The following TBC1D5 variants were observed in gnomAD, a reference collection of about 807,000 sequenced individuals.
TBC1D5 encodes the protein TBC1 domain family member 5.
In TBC1D5, 75 loss-of-function variants were observed where a neutral mutation model predicts 100.3. The observed-to-expected ratio is 0.75, with a 90% CI of 0.62 to 0.91. TBC1D5 has a LOEUF of 0.91. TBC1D5 is among the 40% of genes least tolerant of loss of function. The pLI, the probability that TBC1D5 is intolerant of heterozygous loss-of-function variation, is 0.00. For missense variants in TBC1D5, 910 were observed against 942.4 expected (o/e 0.97, Z 0.45); for synonymous variants, 323 against 325.6 (o/e 0.99, Z 0.09).
chr3:17,350,581 T>C (rs915462249), intron 13 of TBC1D5, among the ~76,000 whole-genome samples: 1 of 152,220 alleles, frequency 6.6e-6, no homozygotes, highest in African/African-American at 2.4e-5. Flanking sequence ...TAATGGCCTA[T>C]GGATGAAGAG....
chr3:17,378,525 A>G, intron 9 of TBC1D5, among the ~76,000 whole-genome samples: 1 of 151,856 alleles, frequency 6.6e-6, no homozygotes. Context: ...CTCCTCATGA[A>G]ATGTTTCGTT....
chr3:17,404,529 T>C lies in TBC1D5; in HGVS notation c.441+165A>G, dbSNP rs568258892. 6.6e-5 allele frequency among the ~76,000 whole-genome samples: 10 copies of C among 152,170 alleles called. No homozygotes were observed. The East Asian group carries it at 1.4e-3, about 21-fold the overall frequency. On this transcript the variant is annotated intron_variant, in intron 7 of 21. Transcript: ENST00000253692. ...TAAATTTTCTACAACACAGTATATA[T>C]ATGTAATGTAAAATCATTTCTACCA...
chr3:17,230,889 C>T lies in TBC1D5; in HGVS notation c.1588+7274G>A, dbSNP rs148024473. Among the ~76,000 whole-genome samples the T allele has an allele frequency of 9.2e-3, 1,394 of 152,168 alleles. 23 individuals carry two copies. Among genetic ancestry groups the T allele is most frequent in the African/African-American group, 0.031 (1,299 of 41,528 alleles). On this transcript the variant is annotated intron_variant, in intron 17 of 21. Coordinates refer to ENST00000253692, the Ensembl canonical transcript of TBC1D5. Reference sequence around the variant, plus strand: ...GGTAGTACTATTTTTAAATAACCTACGCATATCCTCCTTTATACTTTAAGT... The same window carrying T: ...GGTAGTACTATTTTTAAATAACCTATGCATATCCTCCTTTATACTTTAAGT...
At chr3:17,455,616 T>C (rs1055377029) in intron 3 of TBC1D5, among the ~76,000 whole-genome samples, 2 of 151,258 alleles carry the variant, frequency 1.3e-5, no homozygotes, top group South Asian at 2.1e-4. Context: ...ATGCAGTGGA[T>C]TGCTTGAGCT....
intron 2 of TBC1D5, among the ~76,000 whole-genome samples, chr3:17,610,811 G>A (rs547699174): frequency 3.3e-5 from 5 of 152,292 alleles, no homozygotes; most frequent in Admixed American, 2.6e-4. Flanking sequence ...GAGGTTAGAA[G>A]TTCGAGACCA....
At chr3:17,552,978 A>C (rs1560146872) in intron 2 of TBC1D5, among the ~76,000 whole-genome samples, 3 of 152,148 alleles carry the variant, frequency 2.0e-5, no homozygotes, top group Admixed American at 1.3e-4. Flanking sequence ...TTAATGTTTT[A>C]GCCTGAAATC....
At chr3:17,422,271 T>C (rs942014683) in intron 4 of TBC1D5, among the ~76,000 whole-genome samples, 1 of 152,052 alleles carries the variant, frequency 6.6e-6, no homozygotes, top group Non-Finnish European at 1.5e-5. Context: ...CAGGTTCAAG[T>C]GATTCTTGTG....
At chr3:17,479,408 A>T (rs1053294116) in intron 3 of TBC1D5, among the ~76,000 whole-genome samples, 6 of 152,226 alleles carry the variant, frequency 3.9e-5, no homozygotes, top group Non-Finnish European at 5.9e-5. Flanking sequence ...CAGAAAAAAT[A>T]AAGAAAGGAA....
intron 13 of TBC1D5, among the ~76,000 whole-genome samples, chr3:17,346,225 G>A (rs2089851549): frequency 6.6e-6 from 1 of 152,128 alleles, no homozygotes; most frequent in East Asian, 1.9e-4. Flanking sequence ...GAAACAAACT[G>A]TGAAATTGAT....
chr3:17,367,669 T>A (rs1440364418), intron 13 of TBC1D5, among the ~76,000 whole-genome samples: 1 of 151,952 alleles, frequency 6.6e-6, no homozygotes, highest in East Asian at 1.9e-4. Context: ...GACCTGCCTA[T>A]CCAATGTGGT....
chr3:17,603,864 C>CA (rs2061164871), intron 2 of TBC1D5, among the ~76,000 whole-genome samples: 1 of 152,084 alleles, frequency 6.6e-6, no homozygotes, highest in Non-Finnish European at 1.5e-5. Context: ...AGGCTGGTCT[C>CA]AAACTCCTGA....
chr3:17,419,855 T>A (rs1454014501), intron 4 of TBC1D5, among the ~76,000 whole-genome samples: 1 of 152,028 alleles, frequency 6.6e-6, no homozygotes, highest in Non-Finnish European at 1.5e-5. Context: ...TTTTTAAAAA[T>A]ATTTATTTAT....
intron 13 of TBC1D5, among the ~76,000 whole-genome samples, chr3:17,353,829 G>A (rs755186205): frequency 3.3e-5 from 5 of 151,990 alleles, no homozygotes; most frequent in Admixed American, 6.6e-5. Flanking sequence ...GCTCCATTAT[G>A]GATTTCTGAG....
intron 2 of TBC1D5, among the ~76,000 whole-genome samples, chr3:17,528,426 A>G (rs571329910): frequency 9.8e-5 from 15 of 152,316 alleles, no homozygotes; most frequent in South Asian, 2.1e-4. Context: ...CCATCTTGGA[A>G]GCAGAGACCA....
intron 2 of TBC1D5, among the ~76,000 whole-genome samples, chr3:17,595,965 C>T (rs1209481779): frequency 1.3e-5 from 2 of 152,184 alleles, no homozygotes; most frequent in Non-Finnish European, 2.9e-5. Context: ...GTCACATGTT[C>T]CTCTACCATA....
chr3:17,463,666 T>G (rs1258559205), intron 3 of TBC1D5, among the ~76,000 whole-genome samples: 2 of 152,166 alleles, frequency 1.3e-5, no homozygotes, highest in Non-Finnish European at 2.9e-5. Flanking sequence ...AAGACAAAAT[T>G]TAATATTGCC....
chr3:17,655,298 G>T lies in TBC1D5; in HGVS notation c.-100-31385C>A, dbSNP rs1182337921. 3.8e-5 allele frequency among the ~76,000 whole-genome samples: 5 copies of T among 130,882 alleles called. No homozygotes were observed. In the Admixed American group the frequency reaches 4.3e-4, roughly 11 times the overall value. The allele number at this position is 130,882 out of a possible 152,430, so 85.9% of individuals were successfully genotyped here. ...AGGAAGGGGAACATCACACTCTGGG[G>T]ACTGTTGTGGGGTGGGGGGAGGGGG... On this transcript the variant is annotated intron_variant, in intron 1 of 21. Coordinates refer to ENST00000253692, the Ensembl canonical transcript of TBC1D5.
intron 1 of TBC1D5, among the ~76,000 whole-genome samples, chr3:17,639,622 G>A (rs2064308969): frequency 6.6e-6 from 1 of 152,026 alleles, no homozygotes; most frequent in Admixed American, 6.6e-5. Context: ...ATCTAAAGAA[G>A]GTTTCCACCA....
chr3:17,452,612 T>C (rs1256074163), intron 3 of TBC1D5, among the ~76,000 whole-genome samples: 1 of 152,020 alleles, frequency 6.6e-6, no homozygotes, highest in Admixed American at 6.6e-5. Flanking sequence ...AGGAAGAGGA[T>C]AAAACAATTA....
Sources: gnomAD v4.1 joint callset for allele counts (sites outside exome capture counted in the v4.1 genomes callset) on GRCh38, gnomAD v4.1.1 for gene constraint, MANE v1.5 for transcripts, NCBI Gene and HGNC (gene_info 2026-07-23, HGNC 2026-07-21) for gene names.